Variants in WDR49 observed in about 807,000 individuals in gnomAD.
WDR49 encodes the protein cilia- and flagella-associated protein 337.
Under a neutral mutation model 119.5 loss-of-function variants are expected in WDR49, and 107 were observed. The ratio of observed to expected loss-of-function variants is 0.90; its 90% CI spans 0.77 to 1.05. The LOEUF is 1.05. Ranked by LOEUF, WDR49 falls within the 50% of genes least tolerant of loss-of-function variation. The probability of loss-of-function intolerance (pLI) is 0.00; values close to 1 mark genes in which losing one functional copy is unlikely to be tolerated. For missense variants in WDR49, 1,240 were observed against 1,220.5 expected (o/e 1.02, Z -0.24); for synonymous variants, 425 against 418.8 (o/e 1.01, Z -0.18).
At chr3:167,631,227 C>T (rs114068248) in intron 2 of WDR49, among the ~76,000 whole-genome samples, 7,880 of 151,848 alleles carry the variant, frequency 0.052, 655 homozygotes, top group African/African-American at 0.18. Context: ...ATATCAAACC[C>T]GCACGTTGTG....
At chr3:167,608,054 T>C (rs1183432396) in intron 5 of WDR49, among the ~76,000 whole-genome samples, 2 of 152,122 alleles carry the variant, frequency 1.3e-5, no homozygotes, top group African/African-American at 4.8e-5. Context: ...TAGAGAGCAA[T>C]TAATTTCAGG....
chr3:167,636,612 A>ATCTTTTTCACTACATCC (rs2108335845), intron 2 of WDR49, among the ~76,000 whole-genome samples: 2 of 151,890 alleles, frequency 1.3e-5, no homozygotes, highest in South Asian at 4.1e-4. Flanking sequence ...TCCCACCAGC[A>ATCTTTTTCACTACATCC]ATGTAGAAGG....
intron 16 of WDR49, among the ~76,000 whole-genome samples, chr3:167,516,615 A>G (rs910814970): frequency 1.3e-5 from 2 of 152,174 alleles, no homozygotes; most frequent in African/African-American, 4.8e-5. Context: ...GTATATACCC[A>G]GTAATGGGAT....
At chr3:167,632,134 A>T (rs1577290413) in intron 2 of WDR49, among the ~76,000 whole-genome samples, 1 of 152,082 alleles carries the variant, frequency 6.6e-6, no homozygotes, top group Admixed American at 6.6e-5. Flanking sequence ...ACATAATGGC[A>T]TCAATCAATC....
intron 7 of WDR49, among the ~76,000 whole-genome samples, chr3:167,592,353 T>A (rs1449252322): frequency 6.6e-6 from 1 of 152,146 alleles, no homozygotes; most frequent in African/African-American, 2.4e-5. Context: ...CACAGCACAG[T>A]TACAGGGTTA....
chr3:167,581,456 T>G (rs1173502797), intron 7 of WDR49, among the ~76,000 whole-genome samples: 1 of 152,136 alleles, frequency 6.6e-6, no homozygotes, highest in Non-Finnish European at 1.5e-5. Context: ...GTAGTCAAAT[T>G]ACTCAATCCA....
intron 8 of WDR49, among the ~76,000 whole-genome samples, chr3:167,563,506 G>C (rs1460052431): frequency 6.6e-6 from 1 of 152,064 alleles, no homozygotes; most frequent in Non-Finnish European, 1.5e-5. Flanking sequence ...TTCCAAGCTT[G>C]TGTGAAAATT....
chr3:167,478,968 G>A lies in WDR49; in HGVS notation c.3060C>T (p.Asn1020=). Residue 1020 remains asparagine, a synonymous_variant, in exon 19 of 19, where the codon AAC becomes AAT. Coordinates refer to ENST00000682715, the MANE Select transcript of WDR49 (RefSeq NM_001366157.1). ...KTLKAVFDEK[N]LFPKEILHHE... Reference sequence around the variant, plus strand: ...GATGCAGAATTTCCTTGGGAAACAGGTTTTTCTCATCAAATACAGCTTTCA... The same window carrying A: ...GATGCAGAATTTCCTTGGGAAACAGATTTTTCTCATCAAATACAGCTTTCA... The A allele has an allele frequency of 6.2e-7, 1 of 1,608,410 alleles. No homozygotes were observed. The highest frequency in any genetic ancestry group is 1.1e-5 in the South Asian group (1 of 89,280).
At chr3:167,558,473 G>A (rs927266287) in intron 9 of WDR49, among the ~76,000 whole-genome samples, 1 of 152,114 alleles carries the variant, frequency 6.6e-6, no homozygotes, top group Non-Finnish European at 1.5e-5. Flanking sequence ...CACAGAAGTT[G>A]CCAGACTTCA....
intron 16 of WDR49, among the ~76,000 whole-genome samples, chr3:167,521,231 C>T (rs1752422339): frequency 6.6e-6 from 1 of 152,058 alleles, no homozygotes; most frequent in Admixed American, 6.6e-5. Flanking sequence ...ATGTGTATTA[C>T]AAGGGGCATG....
At chr3:167,563,301 C>A (rs1162215462) in intron 8 of WDR49, among the ~76,000 whole-genome samples, 1 of 146,290 alleles carries the variant, frequency 6.8e-6, no homozygotes, top group African/African-American at 2.6e-5. Context: ...TTGCAGTGAG[C>A]CAAGATAGCG....
intron 2 of WDR49, among the ~76,000 whole-genome samples, chr3:167,646,215 G>A (rs902318511): frequency 6.6e-6 from 1 of 152,160 alleles, no homozygotes; most frequent in African/African-American, 2.4e-5. Flanking sequence ...GAGAGGAGGG[G>A]AGTTGCACCA....
intron 10 of WDR49, among the ~76,000 whole-genome samples, chr3:167,539,868 C>A (rs1314304230): frequency 2.6e-5 from 4 of 152,124 alleles, no homozygotes; most frequent in African/African-American, 9.6e-5. Context: ...TCTAGAAGAG[C>A]AAATACTTTG....
chr3:167,607,382 C>T (rs1003303141), intron 5 of WDR49, among the ~76,000 whole-genome samples: 4 of 152,166 alleles, frequency 2.6e-5, no homozygotes, highest in Non-Finnish European at 1.5e-5. Context: ...CAGTACGTTT[C>T]TTGCTTATCC....
chr3:167,606,729 G>C (rs985597288), intron 5 of WDR49, among the ~76,000 whole-genome samples: 15 of 152,174 alleles, frequency 9.9e-5, no homozygotes, highest in African/African-American at 3.6e-4. Flanking sequence ...GGCCAAAATG[G>C]TCTGTTTCTC....
intron 7 of WDR49, among the ~76,000 whole-genome samples, chr3:167,589,652 C>G (rs1466662182): frequency 6.6e-6 from 1 of 151,888 alleles, no homozygotes; most frequent in Non-Finnish European, 1.5e-5. Context: ...ATCCTTCACT[C>G]TTTTGGTTAA....
intron 9 of WDR49, among the ~76,000 whole-genome samples, chr3:167,556,834 G>T (rs1712958376): frequency 6.6e-6 from 1 of 152,122 alleles, no homozygotes; most frequent in Admixed American, 6.6e-5. Context: ...AGACCAGCCT[G>T]GCCAATATGG....
At chr3:167,595,655 T>G (rs1235507402) in intron 7 of WDR49, among the ~76,000 whole-genome samples, 1 of 152,206 alleles carries the variant, frequency 6.6e-6, no homozygotes, top group Non-Finnish European at 1.5e-5. Context: ...CTGGGGAAAT[T>G]GGCTAGCCAT....
intron 5 of WDR49, among the ~76,000 whole-genome samples, chr3:167,609,496 C>A (rs1056873421): frequency 1.3e-5 from 2 of 152,124 alleles, no homozygotes; most frequent in African/African-American, 4.8e-5. Flanking sequence ...ACAGAGGGAA[C>A]CTTAGCAGAG....
Sources: gnomAD v4.1 joint callset for allele counts (sites outside exome capture counted in the v4.1 genomes callset) on GRCh38, gnomAD v4.1.1 for gene constraint, MANE v1.5 for transcripts, NCBI Gene and HGNC (gene_info 2026-07-23, HGNC 2026-07-21) for gene names.